TMEM245: variants seen among roughly 807,000 people sequenced by gnomAD.
The protein encoded by TMEM245 is protein CG-2.
In TMEM245, 69 loss-of-function variants were observed where a neutral mutation model predicts 101.2. That is an observed-to-expected ratio of 0.68 (90% CI 0.56 to 0.83). The LOEUF (loss-of-function observed/expected upper bound fraction) is 0.83. Among genes scored for constraint, TMEM245 ranks in the 40% least tolerant of loss-of-function variants. The pLI, the probability that TMEM245 is intolerant of heterozygous loss-of-function variation, is 0.00. For synonymous variants in TMEM245, 537 were observed against 449.8 expected, an observed-to-expected ratio of 1.19 and a Z score of -2.45; for missense variants, 1,075 against 1,092.8, an observed-to-expected ratio of 0.98 and a Z score of 0.23.
chr9:109,094,057 T>C (rs1338852938), intron 3 of TMEM245, among the ~76,000 whole-genome samples: 1 of 152,240 alleles, frequency 6.6e-6, no homozygotes, highest in Non-Finnish European at 1.5e-5. Context: ...ATGGCTATTA[T>C]GCAAAACCAT....
intron 12 of TMEM245, among the ~76,000 whole-genome samples, chr9:109,055,554 A>ATTT (rs1828805446): frequency 2.0e-5 from 3 of 152,216 alleles, no homozygotes; most frequent in Non-Finnish European, 4.4e-5. Flanking sequence ...AATAAGTAAA[A>ATTT]AAGGATGGTT....
intron 10 of TMEM245, among the ~76,000 whole-genome samples, chr9:109,060,751 G>A (rs1447155325): frequency 6.6e-6 from 1 of 152,162 alleles, no homozygotes; most frequent in Non-Finnish European, 1.5e-5. Context: ...GATCTTACCT[G>A]TCCAGAGAAA....
chr9:109,091,224 T>A, intron 4 of TMEM245, 69 bp from the exon 5 acceptor site: 1 of 1,367,468 alleles, frequency 7.3e-7, no homozygotes, highest in Non-Finnish European at 1.0e-6. Flanking sequence ...ACAGAGCCAC[T>A]CATTAGGCTA....
intron 5 of TMEM245, among the ~76,000 whole-genome samples, chr9:109,089,314 C>A (rs568670218): frequency 6.6e-6 from 1 of 151,892 alleles, no homozygotes; most frequent in Non-Finnish European, 1.5e-5. Flanking sequence ...ATACCATGCT[C>A]TGGTCATAAT....
chr9:109,020,331 C>A lies in TMEM245; in HGVS notation c.*129G>T. 1 of 879,014 alleles carries A rather than the reference C, an allele frequency of 1.1e-6. No homozygotes were observed. The allele number at this position is 879,014 out of a possible 1,614,324, so 54.5% of individuals were successfully genotyped here. A position where few individuals can be genotyped will look rare whatever the true frequency, so the allele number is the denominator to read the frequency against. On this transcript the variant is annotated 3_prime_UTR_variant, in exon 18 of 18. Transcript: ENST00000374586. ...TTGTCCAGGCATTCTGTATGTAAGG[C>A]CAGGAGGCTTCTGCTTCTTTCCTGG...
intron 3 of TMEM245, among the ~76,000 whole-genome samples, chr9:109,098,670 G>A (rs1257971053): frequency 6.6e-6 from 1 of 152,038 alleles, no homozygotes; most frequent in Non-Finnish European, 1.5e-5. Context: ...GTATTTAAAA[G>A]CCACAGCTAA....
At chr9:109,028,347 G>A (rs1159503314) in intron 17 of TMEM245, among the ~76,000 whole-genome samples, 2 of 151,830 alleles carry the variant, frequency 1.3e-5, no homozygotes, top group African/African-American at 4.8e-5. Flanking sequence ...CCCGCTACTC[G>A]GGAAGCTGTG....
chr9:109,061,218 A>C (rs1248652178), intron 10 of TMEM245, among the ~76,000 whole-genome samples: 1 of 152,118 alleles, frequency 6.6e-6, no homozygotes, highest in East Asian at 1.9e-4. Flanking sequence ...CAGGAGACTG[A>C]GATGAGAGGA....
intron 16 of TMEM245, 140 bp downstream of exon 16, chr9:109,036,066 G>A (rs2132323010): frequency 2.0e-6 from 1 of 489,554 alleles, no homozygotes; most frequent in East Asian, 3.6e-5. Flanking sequence ...TCATTTGTGG[G>A]AACACAAAAG....
intron 4 of TMEM245, among the ~76,000 whole-genome samples, chr9:109,093,181 A>G (rs1446441402): frequency 6.6e-6 from 1 of 152,148 alleles, no homozygotes; most frequent in Non-Finnish European, 1.5e-5. Flanking sequence ...AAGGAAAATA[A>G]GAAAAACAAA....
intron 1 of TMEM245, among the ~76,000 whole-genome samples, chr9:109,115,476 G>A (rs115040326): frequency 1.0e-3 from 149 of 148,562 alleles, no homozygotes; most frequent in African/African-American, 3.6e-3. Context: ...GTTTCTAGAT[G>A]ACTAGAATGC....
rs1460310730 is a variant in TMEM245, at chr9:109,119,509, G to C, written c.405C>G (p.Val135=). The change falls in exon 1 of 18, where the codon GTC becomes GTG. Residue 135 remains valine, a synonymous_variant. Coordinates refer to ENST00000374586, the MANE Select transcript of TMEM245 (RefSeq NM_032012.4). The part of the protein sequence containing the change: ...LLPLCFVDYG[V]EALGEQALRR... ...GCAGCGCCTGCTCGCCCAGGGCCTC[G>C]ACGCCGTAGTCGACGAAGCAGAGCG... is the stretch of plus-strand genomic sequence containing the variant. 1 of 1,516,820 alleles carries C rather than the reference G, an allele frequency of 6.6e-7. No homozygotes were observed. Among genetic ancestry groups the C allele is most frequent in the Non-Finnish European group, 8.8e-7 (1 of 1,138,540 alleles). 94.0% of individuals were successfully genotyped at this position (1,516,820 alleles called of 1,614,324 possible). A position where few individuals can be genotyped will look rare whatever the true frequency, so the allele number is the denominator to read the frequency against.
chr9:109,110,421 A>T (rs1162681197), intron 1 of TMEM245, among the ~76,000 whole-genome samples: 1 of 152,180 alleles, frequency 6.6e-6, no homozygotes, highest in Non-Finnish European at 1.5e-5. Flanking sequence ...GCAGGATTAG[A>T]ACCCAGGAAT....
intron 4 of TMEM245, 26 bp from the exon 5 acceptor site, chr9:109,091,181 A>G (rs766545688): frequency 5.7e-6 from 9 of 1,585,712 alleles, no homozygotes; most frequent in Non-Finnish European, 7.8e-6. Flanking sequence ...AAAACACCAC[A>G]CACCGCATTA....
intron 5 of TMEM245, among the ~76,000 whole-genome samples, chr9:109,088,188 G>T (rs928600952): frequency 2.0e-5 from 3 of 152,152 alleles, no homozygotes; most frequent in African/African-American, 7.2e-5. Flanking sequence ...CTTAGCTCTG[G>T]CCTTGCAACC....
chr9:109,081,081 G>T, intron 7 of TMEM245, 138 bp from the exon 8 acceptor site: 1 of 601,754 alleles, frequency 1.7e-6, no homozygotes, highest in African/African-American at 1.9e-5. Context: ...AGCAATAAAA[G>T]CTTTAAGCAA....
chr9:109,031,103 T>C (rs1006841179), intron 17 of TMEM245, among the ~76,000 whole-genome samples: 8 of 152,204 alleles, frequency 5.3e-5, no homozygotes, highest in Admixed American at 1.3e-4. Flanking sequence ...TCTGAGACTG[T>C]CCTTCTTTTT....
At chr9:109,043,206 A>G (rs570574568) in intron 14 of TMEM245, among the ~76,000 whole-genome samples, 1 of 152,330 alleles carries the variant, frequency 6.6e-6, no homozygotes, top group East Asian at 1.9e-4. Flanking sequence ...CAATTTCAGT[A>G]AACACTTCCC....
chr9:109,035,156 C>CAAAA (rs778574292), intron 16 of TMEM245, among the ~76,000 whole-genome samples: 116 of 50,820 alleles, frequency 2.3e-3, no homozygotes, highest in African/African-American at 4.2e-3. Flanking sequence ...GACTCTGTCT[C>CAAAA]AAAAAAAAAA....
Sources: gnomAD v4.1 joint callset for allele counts (sites outside exome capture counted in the v4.1 genomes callset) on GRCh38, gnomAD v4.1.1 for gene constraint, MANE v1.5 for transcripts, NCBI Gene and HGNC (gene_info 2026-07-23, HGNC 2026-07-21) for gene names.